CUBN: variants seen among roughly 807,000 people sequenced by gnomAD.
The protein encoded by CUBN is cubilin, also known as 460 kDa receptor.
In CUBN, 282 loss-of-function variants were observed where a neutral mutation model predicts 405.3. The observed-to-expected ratio is 0.70, with a 90% CI of 0.63 to 0.77. The LOEUF (loss-of-function observed/expected upper bound fraction) is 0.77. Ranked by LOEUF, CUBN falls within the 30% of genes least tolerant of loss-of-function variation. The pLI is 0.00. For synonymous variants in CUBN, 1,684 were observed against 1,617.0 expected, an observed-to-expected ratio of 1.04 and a Z score of -0.99; for missense variants, 4,514 against 4,475.2, an observed-to-expected ratio of 1.01 and a Z score of -0.25.
intron 39 of CUBN, among the ~76,000 whole-genome samples, chr10:16,933,896 G>A (rs1264934295): frequency 1.3e-5 from 2 of 152,192 alleles, no homozygotes; most frequent in African/African-American, 2.4e-5. Context: ...ATGTGAAACA[G>A]CTGTTGCTGA....
At chr10:16,879,952 C>T (rs925224438) in intron 56 of CUBN, among the ~76,000 whole-genome samples, 1 of 152,162 alleles carries the variant, frequency 6.6e-6, no homozygotes, top group Non-Finnish European at 1.5e-5. Context: ...GAGGAGTACC[C>T]ACTGTGAGAG....
chr10:16,842,702 T>G (rs186666865), intron 60 of CUBN, among the ~76,000 whole-genome samples: 2 of 152,334 alleles, frequency 1.3e-5, no homozygotes, highest in East Asian at 1.9e-4. Context: ...TCCAATGAGG[T>G]GATGCTCCTG....
intron 54 of CUBN, among the ~76,000 whole-genome samples, chr10:16,893,395 C>CGTGTGT (rs34859798): frequency 9.3e-5 from 14 of 150,502 alleles, no homozygotes; most frequent in African/African-American, 3.4e-4. Flanking sequence ...TACTTGAACT[C>CGTGTGT]GTGTGTGTGT....
chr10:17,032,555 A>G (rs1351935376), intron 27 of CUBN, among the ~76,000 whole-genome samples: 2 of 152,194 alleles, frequency 1.3e-5, no homozygotes, highest in African/African-American at 2.4e-5. Flanking sequence ...ACAGACAATT[A>G]TATCTATCAA....
chr10:17,044,009 G>T (rs372497406), intron 25 of CUBN, 26 bp from the exon 26 acceptor site: 73 of 1,597,686 alleles, frequency 4.6e-5, no homozygotes, highest in Non-Finnish European at 5.7e-5. Context: ...TTGAATGTTA[G>T]ATGGTTGAGA....
At chr10:16,880,544 T>C (rs769493346) in intron 56 of CUBN, among the ~76,000 whole-genome samples, 8 of 152,248 alleles carry the variant, frequency 5.3e-5, no homozygotes, top group Non-Finnish European at 8.8e-5. Context: ...TGGTTTCCTT[T>C]GTTCTAGAAG....
At chr10:17,021,401 T>C (rs1185423913) in intron 27 of CUBN, among the ~76,000 whole-genome samples, 1 of 152,238 alleles carries the variant, frequency 6.6e-6, no homozygotes, top group Non-Finnish European at 1.5e-5. Context: ...CTAAGGCCAT[T>C]ACATTTTCAC....
chr10:17,013,941 T>C (rs1293456421), intron 28 of CUBN, among the ~76,000 whole-genome samples: 1 of 152,200 alleles, frequency 6.6e-6, no homozygotes, highest in Non-Finnish European at 1.5e-5. Flanking sequence ...ATCTGGACTA[T>C]AATTTGTTGG....
intron 31 of CUBN, among the ~76,000 whole-genome samples, chr10:16,976,319 C>T (rs11254314): frequency 0.55 from 83,889 of 151,828 alleles, 23,526 homozygotes; most frequent in African/African-American, 0.59. Context: ...AGTTCCTGGC[C>T]GGTAGTTACT....
rs753275110 is a variant in CUBN, at chr10:16,877,081, C to T, written c.8922G>A (p.Thr2974=). 5.6e-6 allele frequency: 9 copies of T among 1,613,506 alleles called. No individual in the cohort carries two copies. In the African/African-American group the frequency reaches 8.0e-5, roughly 14 times the overall value. ...GCACGCCATCGTTGACACAGCTTCCCGTCACAGCGGAACGAGCTGGAAAAG... is the reference window on the plus strand; with the variant it reads ...GCACGCCATCGTTGACACAGCTTCCTGTCACAGCGGAACGAGCTGGAAAAG... ...SFHLEARSAV[T]GSCVNDGVHI... is the part of the protein sequence containing the mutation. Residue 2974 remains threonine, a synonymous_variant, in exon 57 of 67, where the codon ACG becomes ACA. Coordinates refer to ENST00000377833, the MANE Select transcript of CUBN (RefSeq NM_001081.4).
intron 11 of CUBN, among the ~76,000 whole-genome samples, chr10:17,104,944 G>A (rs893068046): frequency 6.6e-6 from 1 of 151,358 alleles, no homozygotes; most frequent in Non-Finnish European, 1.5e-5. Flanking sequence ...GAGTAGCTGG[G>A]ATTACAGGCA....
chr10:16,935,602 G>A (rs1024933392), intron 39 of CUBN, among the ~76,000 whole-genome samples: 4 of 152,004 alleles, frequency 2.6e-5, no homozygotes, highest in African/African-American at 9.7e-5. Flanking sequence ...AGGACAGGAC[G>A]GATGCAGTGG....
At chr10:17,027,866 TATTA>T (rs1340824072) in intron 27 of CUBN, among the ~76,000 whole-genome samples, 3 of 152,214 alleles carry the variant, frequency 2.0e-5, no homozygotes, top group Non-Finnish European at 2.9e-5. Flanking sequence ...AGATTTTTAT[TATTA>T]ATTAGGCTAA....
intron 41 of CUBN, among the ~76,000 whole-genome samples, chr10:16,927,353 A>C (rs1366893389): frequency 6.6e-6 from 1 of 152,098 alleles, no homozygotes; most frequent in African/African-American, 2.4e-5. Flanking sequence ...AGAGGTGAAA[A>C]TGTATCTTAG....
intron 27 of CUBN, among the ~76,000 whole-genome samples, chr10:17,035,894 T>C (rs1000014802): frequency 6.6e-6 from 1 of 151,744 alleles, no homozygotes; most frequent in Non-Finnish European, 1.5e-5. Context: ...CTAGGCTTAA[T>C]ACCTAGGTGA....
intron 62 of CUBN, among the ~76,000 whole-genome samples, chr10:16,838,891 C>A (rs1839257118): frequency 6.6e-6 from 1 of 152,190 alleles, no homozygotes; most frequent in Non-Finnish European, 1.5e-5. Flanking sequence ...GGTAATCCAC[C>A]AGCCTTGGCC....
chr10:17,110,814 C>A lies in CUBN; in HGVS notation c.1015+105G>T. 8 of 1,534,620 alleles carry A rather than the reference C, an allele frequency of 5.2e-6. No homozygotes were observed. The South Asian group carries it at 9.0e-5, about 17-fold the overall frequency. On this transcript the variant is annotated intron_variant, in intron 9 of 66. Coordinates refer to ENST00000377833, the MANE Select transcript of CUBN (RefSeq NM_001081.4). Reference sequence around the variant, plus strand: ...CTGGGATTACAGGCATGAGCAACTGCACTCAGCCAGAAATCATATTTTAAA... The same window carrying A: ...CTGGGATTACAGGCATGAGCAACTGAACTCAGCCAGAAATCATATTTTAAA...
intron 47 of CUBN, 151 bp from the exon 48 acceptor site, chr10:16,914,143 C>A: frequency 1.2e-6 from 1 of 824,618 alleles, no homozygotes; most frequent in Non-Finnish European, 1.9e-6. Context: ...TTTTAGTGAA[C>A]ATATACATTC....
intron 27 of CUBN, among the ~76,000 whole-genome samples, chr10:17,023,104 T>TG (rs2131790227): frequency 6.6e-6 from 1 of 152,166 alleles, no homozygotes; most frequent in Admixed American, 6.5e-5. Context: ...GATTTCTTTT[T>TG]TTTCCTTCCT....
Sources: gnomAD v4.1 joint callset for allele counts (sites outside exome capture counted in the v4.1 genomes callset) on GRCh38, gnomAD v4.1.1 for gene constraint, MANE v1.5 for transcripts, NCBI Gene and HGNC (gene_info 2026-07-23, HGNC 2026-07-21) for gene names.